The following APAF1 variants were observed in gnomAD, a reference collection of about 807,000 sequenced individuals.
The protein encoded by APAF1 is apoptotic protease-activating factor 1.
In APAF1, 91 loss-of-function variants were observed where a neutral mutation model predicts 152.4. The ratio of observed to expected loss-of-function variants is 0.60; its 90% CI spans 0.50 to 0.71. The LOEUF is 0.71. Ranked by LOEUF, APAF1 falls within the 30% of genes least tolerant of loss-of-function variation. The pLI is 0.00. For synonymous variants in APAF1, 484 were observed against 494.1 expected, an observed-to-expected ratio of 0.98 and a Z score of 0.27; for missense variants, 1,283 against 1,472.0, an observed-to-expected ratio of 0.87 and a Z score of 2.10.
intron 12 of APAF1, among the ~76,000 whole-genome samples, chr12:98,674,031 T>C (rs562781939): frequency 6.6e-6 from 1 of 152,176 alleles, no homozygotes; most frequent in Non-Finnish European, 1.5e-5. Flanking sequence ...GGACCTCACT[T>C]TGTCATTTAG....
rs1287279930 is a variant in APAF1, at chr12:98,645,357, G to C, written c.-520G>C. 6.6e-6 allele frequency: 1 copy of C among 152,430 alleles called. No homozygotes were observed. Among genetic ancestry groups the C allele is most frequent in the East Asian group, 1.9e-4 (1 of 5,174 alleles). The allele number at this position is 152,430 out of a possible 1,614,324, so 9.4% of individuals were successfully genotyped here. A position where few individuals can be genotyped will look rare whatever the true frequency, so the allele number is the denominator to read the frequency against. On this transcript the variant is annotated 5_prime_UTR_variant, in exon 1 of 27. Coordinates refer to ENST00000551964, the MANE Select transcript of APAF1 (RefSeq NM_181861.2). ...ATCCCGGGCAAAAGGGATAGAACCA[G>C]AGGTGGGGAGTCTGGGCAGTCGGCG...
intron 12 of APAF1, among the ~76,000 whole-genome samples, chr12:98,672,919 C>G (rs1242138334): frequency 6.6e-6 from 1 of 151,394 alleles, no homozygotes; most frequent in Non-Finnish European, 1.5e-5. Flanking sequence ...CACGCCTGGC[C>G]GATTTTGTAT....
intron 4 of APAF1, among the ~76,000 whole-genome samples, chr12:98,650,128 C>T (rs1288542928): frequency 6.6e-6 from 1 of 152,144 alleles, no homozygotes; most frequent in Non-Finnish European, 1.5e-5. Context: ...TGTTCTCATT[C>T]ATCAGTGTGT....
chr12:98,723,219 T>C lies in APAF1; in HGVS notation c.3111T>C (p.Cys1037=), dbSNP rs1030969985. ...TATGGAATTGGCAATTGGACAAATG[T>C]ATCTTTCTACGAGGCCATCAGGAAA... The part of the protein sequence containing the change: ...IQVWNWQLDK[C]IFLRGHQETV... Residue 1037 remains cysteine (C), a synonymous_variant, in exon 23 of 27, where the codon TGT becomes TGC. Transcript: ENST00000551964. 5 of 1,613,534 alleles carry C rather than the reference T, an allele frequency of 3.1e-6. No individual in the cohort carries two copies. Among genetic ancestry groups the C allele is most frequent in the Admixed American group, 1.7e-5 (1 of 60,004 alleles).
rs2097764139 is a variant in APAF1, at chr12:98,732,695, G to GT, written c.*132dup. 6.1e-6 allele frequency: 4 copies of GT among 653,876 alleles called. No homozygotes were observed. The highest frequency in any genetic ancestry group is 1.0e-5 in the Non-Finnish European group (4 of 383,464). The allele number at this position is 653,876 out of a possible 1,614,324, so 40.5% of individuals were successfully genotyped here. A position where few individuals can be genotyped will look rare whatever the true frequency, so the allele number is the denominator to read the frequency against. On this transcript the variant is annotated 3_prime_UTR_variant, in exon 27 of 27. Coordinates refer to ENST00000551964, the MANE Select transcript of APAF1 (RefSeq NM_181861.2). ...GCAGTATTGCATTCATTACAAAAGT[G>GT]TTTGTGGTTGGATGAATAATATTAA...
intron 26 of APAF1, among the ~76,000 whole-genome samples, chr12:98,727,530 G>A (rs1395107307): frequency 1.6e-5 from 2 of 122,912 alleles, no homozygotes; most frequent in Non-Finnish European, 3.2e-5. Flanking sequence ...CTGGGTGACA[G>A]AGCGACATCC....
chr12:98,732,395 G>C, intron 26 of APAF1, 25 bp from the exon 27 acceptor site: 1 of 1,608,058 alleles, frequency 6.2e-7, no homozygotes. Context: ...CCAATCTAAT[G>C]AGAATTTTAT....
intron 16 of APAF1, among the ~76,000 whole-genome samples, chr12:98,690,929 C>T (rs2097703467): frequency 6.6e-6 from 1 of 152,184 alleles, no homozygotes; most frequent in African/African-American, 2.4e-5. Context: ...TGTACTTGGG[C>T]CAGACATGGT....
chr12:98,665,566 AGTAT>A lies in APAF1; in HGVS notation c.970_973del (p.Val324LeufsTer2). 1 of 1,611,804 alleles carries A rather than the reference AGTAT, an allele frequency of 6.2e-7. No homozygotes were observed. The highest frequency in any genetic ancestry group is 8.5e-7 in the Non-Finnish European group (1 of 1,178,194). On this transcript the variant is annotated frameshift_variant, in exon 8 of 27. Coordinates refer to ENST00000551964, the MANE Select transcript of APAF1 (RefSeq NM_181861.2). LOFTEE classifies it high-confidence loss of function. ...TTTTTTTTAAAGGCTCTCCCCTTGT[AGTAT>A]CTTTAATTGGTGCACTTTTACGTGA...
intron 14 of APAF1, among the ~76,000 whole-genome samples, chr12:98,682,491 C>G (rs2097693497): frequency 6.6e-6 from 1 of 152,224 alleles, no homozygotes; most frequent in Admixed American, 6.5e-5. Context: ...GACGCAGATT[C>G]AGAGATGAAG....
At chr12:98,691,924 T>C (rs1350038133) in intron 16 of APAF1, among the ~76,000 whole-genome samples, 1 of 152,196 alleles carries the variant, frequency 6.6e-6, no homozygotes, top group African/African-American at 2.4e-5. Flanking sequence ...ACTCATCTTT[T>C]TTCAGGTATG....
At chr12:98,728,722 AAAAC>A (rs952691685) in intron 26 of APAF1, among the ~76,000 whole-genome samples, 4 of 152,198 alleles carry the variant, frequency 2.6e-5, no homozygotes, top group African/African-American at 4.8e-5. Flanking sequence ...GACTATCTCA[AAAAC>A]AAACAAACAA....
chr12:98,650,967 A>G (rs2097648265), intron 4 of APAF1, among the ~76,000 whole-genome samples: 1 of 152,194 alleles, frequency 6.6e-6, no homozygotes, highest in African/African-American at 2.4e-5. Flanking sequence ...ATTGCTCTAC[A>G]TTATTGTGAT....
At chr12:98,711,977 C>T (rs2097728369) in intron 20 of APAF1, among the ~76,000 whole-genome samples, 1 of 152,014 alleles carries the variant, frequency 6.6e-6, no homozygotes, top group Admixed American at 6.6e-5. Flanking sequence ...AAATGATAGC[C>T]CTATTAAAAG....
Position 98,677,644 on chromosome 12 carries a change from G to T in APAF1, c.1920+93G>T. 3.4e-6 allele frequency: 5 copies of T among 1,491,512 alleles called. No homozygotes were observed. The South Asian group carries it at 5.8e-5, about 17-fold the overall frequency. The allele number at this position is 1,491,512 out of a possible 1,614,324, so 92.4% of individuals were successfully genotyped here. On this transcript the variant is annotated intron_variant, in intron 13 of 26. Transcript: ENST00000551964. ...TTAAATCCTAAAATTCAAGAAAATT[G>T]CAACTTAGAAATAACAGAGGAATCC...
chr12:98,732,626 A>G lies in APAF1; in HGVS notation c.*60A>G. The G allele has an allele frequency of 8.5e-7, 1 of 1,170,908 alleles. No homozygotes were observed. The highest frequency in any genetic ancestry group is 1.2e-6 in the Non-Finnish European group (1 of 808,554). The allele number at this position is 1,170,908 out of a possible 1,614,324, so 72.5% of individuals were successfully genotyped here. ...ATTTTTGAATTGGAAAAAAATTCTA[A>G]TGAAACCCTGATATCAACTTTTTAT... On this transcript the variant is annotated 3_prime_UTR_variant, in exon 27 of 27. Coordinates refer to ENST00000551964, the MANE Select transcript of APAF1 (RefSeq NM_181861.2).
At chr12:98,650,011 G>A (rs1455775910) in intron 4 of APAF1, among the ~76,000 whole-genome samples, 1 of 152,116 alleles carries the variant, frequency 6.6e-6, no homozygotes, top group African/African-American at 2.4e-5. Context: ...TTTAAGAAAT[G>A]TTGGCAGGTA....
intron 22 of APAF1, among the ~76,000 whole-genome samples, chr12:98,715,895 A>G (rs1237742015): frequency 6.6e-6 from 1 of 152,222 alleles, no homozygotes; most frequent in Admixed American, 6.5e-5. Context: ...GTAAAATCCA[A>G]TGGAAATCAT....
intron 21 of APAF1, among the ~76,000 whole-genome samples, chr12:98,713,954 C>A (rs1303702646): frequency 6.6e-6 from 1 of 152,066 alleles, no homozygotes; most frequent in Non-Finnish European, 1.5e-5. Context: ...TTTGTTTTCT[C>A]TTTATTATTG....
Sources: gnomAD v4.1 joint callset for allele counts (sites outside exome capture counted in the v4.1 genomes callset) on GRCh38, gnomAD v4.1.1 for gene constraint, MANE v1.5 for transcripts, NCBI Gene and HGNC (gene_info 2026-07-23, HGNC 2026-07-21) for gene names.